The following RUNDC3B variants were observed in gnomAD, a reference collection of about 807,000 sequenced individuals.
RUNDC3B encodes RUN domain containing 3B, also known as RUN domain-containing protein 3B.
A neutral mutation model predicts 58.4 loss-of-function variants in RUNDC3B; 33 were observed. The ratio of observed to expected loss-of-function variants is 0.56; its 90% CI spans 0.43 to 0.75. The LOEUF is 0.75. RUNDC3B is among the 30% of genes least tolerant of loss of function. The pLI is 0.00. For missense variants in RUNDC3B, 501 were observed against 535.7 expected (o/e 0.94, Z 0.64); for synonymous variants, 193 against 195.2 (o/e 0.99, Z 0.10).
chr7:87,792,748 CA>C (rs1231665225), intron 8 of RUNDC3B, among the ~76,000 whole-genome samples: 2 of 151,570 alleles, frequency 1.3e-5, no homozygotes, highest in African/African-American at 4.8e-5. Flanking sequence ...GTTCCTATAT[CA>C]AAAAAGAAGA....
chr7:87,796,989 A>G (rs1445949787), intron 8 of RUNDC3B, among the ~76,000 whole-genome samples: 1 of 152,200 alleles, frequency 6.6e-6, no homozygotes, highest in Non-Finnish European at 1.5e-5. Flanking sequence ...TCTAAAAGCT[A>G]ATTTGGTTTG....
chr7:87,790,802 A>G (rs1464636699), intron 8 of RUNDC3B, among the ~76,000 whole-genome samples: 1 of 151,952 alleles, frequency 6.6e-6, no homozygotes. Context: ...AGAGGAGACA[A>G]AAAAAATAGA....
intron 4 of RUNDC3B, among the ~76,000 whole-genome samples, chr7:87,727,746 C>G (rs1332633235): frequency 1.3e-5 from 2 of 152,110 alleles, no homozygotes; most frequent in Non-Finnish European, 2.9e-5. Flanking sequence ...GGATGCATGT[C>G]TCTTTGGGAT....
intron 3 of RUNDC3B, among the ~76,000 whole-genome samples, chr7:87,703,325 G>A (rs867396718): frequency 2.6e-5 from 4 of 151,678 alleles, no homozygotes; most frequent in Non-Finnish European, 5.9e-5. Flanking sequence ...TATTTTGTAA[G>A]CACGAACTGA....
chr7:87,783,580 T>C lies in RUNDC3B; in HGVS notation c.956+5625T>C, dbSNP rs1327392731. Among the ~76,000 whole-genome samples, 2 of 152,186 alleles carry C rather than the reference T, an allele frequency of 1.3e-5. 1 individual carries two copies. The highest frequency in any genetic ancestry group is 1.3e-4 in the Admixed American group (2 of 15,280). On this transcript the variant is annotated intron_variant, in intron 8 of 10. Transcript: ENST00000394654. Reference sequence around the variant, plus strand: ...TGGTTGCTTTGTAGTCTTGATTTTTTAGTCTCGATAGGGTCTGCAGGCTAT... The same window carrying C: ...TGGTTGCTTTGTAGTCTTGATTTTTCAGTCTCGATAGGGTCTGCAGGCTAT...
At chr7:87,740,473 A>T (rs1222227234) in intron 5 of RUNDC3B, among the ~76,000 whole-genome samples, 2 of 152,130 alleles carry the variant, frequency 1.3e-5, no homozygotes, top group African/African-American at 4.8e-5. Flanking sequence ...TCTTTAATCG[A>T]TCCCAGATTT....
intron 6 of RUNDC3B, among the ~76,000 whole-genome samples, chr7:87,764,731 T>C (rs1465168715): frequency 6.6e-6 from 1 of 151,940 alleles, no homozygotes; most frequent in Admixed American, 6.6e-5. Context: ...ATTAATTTCA[T>C]TCTTCTTTAT....
chr7:87,756,232 C>A (rs1183717569), intron 6 of RUNDC3B, among the ~76,000 whole-genome samples: 3 of 151,990 alleles, frequency 2.0e-5, no homozygotes, highest in African/African-American at 7.2e-5. Flanking sequence ...CTACTGAGCT[C>A]TCACTTTCTA....
At chr7:87,785,407 A>G (rs749769391) in intron 8 of RUNDC3B, among the ~76,000 whole-genome samples, 2 of 152,106 alleles carry the variant, frequency 1.3e-5, no homozygotes, top group African/African-American at 2.4e-5. Flanking sequence ...AGCTGTAACC[A>G]CAGATCCCAG....
chr7:87,648,171 C>T (rs1164328404), intron 1 of RUNDC3B, among the ~76,000 whole-genome samples: 2 of 133,924 alleles, frequency 1.5e-5, no homozygotes, highest in Non-Finnish European at 3.1e-5. Context: ...GGTGACAGAG[C>T]GAGACTCTGT....
chr7:87,826,603 A>G (rs779137118), intron 10 of RUNDC3B, among the ~76,000 whole-genome samples: 3 of 152,158 alleles, frequency 2.0e-5, no homozygotes, highest in Non-Finnish European at 4.4e-5. Context: ...AAGTGGTTGA[A>G]TTAGAAAGGC....
chr7:87,778,721 AC>A (rs1239894675), intron 8 of RUNDC3B, among the ~76,000 whole-genome samples: 1 of 152,118 alleles, frequency 6.6e-6, no homozygotes, highest in Non-Finnish European at 1.5e-5. Flanking sequence ...TAAGAGCAAG[AC>A]TTTTTTTGAT....
intron 2 of RUNDC3B, among the ~76,000 whole-genome samples, chr7:87,690,084 C>A (rs1442393422): frequency 2.0e-5 from 3 of 151,992 alleles, no homozygotes; most frequent in African/African-American, 7.2e-5. Context: ...TCTGCTTCCA[C>A]CTCCTAAAGG....
At chr7:87,701,488 A>G (rs908268831) in intron 3 of RUNDC3B, among the ~76,000 whole-genome samples, 1 of 152,258 alleles carries the variant, frequency 6.6e-6, no homozygotes, top group African/African-American at 2.4e-5. Context: ...TCAACATTTG[A>G]TGGAACTGCA....
intron 2 of RUNDC3B, among the ~76,000 whole-genome samples, chr7:87,676,441 C>T (rs1826364160): frequency 6.6e-6 from 1 of 152,082 alleles, no homozygotes; most frequent in Non-Finnish European, 1.5e-5. Context: ...TGGCTCACAC[C>T]TATAATTCCA....
chr7:87,734,466 G>A (rs1243494744), intron 4 of RUNDC3B, among the ~76,000 whole-genome samples: 1 of 152,010 alleles, frequency 6.6e-6, no homozygotes, highest in Non-Finnish European at 1.5e-5. Context: ...CCAACTTTCT[G>A]TCTCCTCATC....
chr7:87,693,431 G>A (rs1262807509), intron 2 of RUNDC3B, among the ~76,000 whole-genome samples: 1 of 152,116 alleles, frequency 6.6e-6, no homozygotes, highest in African/African-American at 2.4e-5. Context: ...TTTTAGAAAA[G>A]TTAACATTTA....
chr7:87,816,141 GA>G lies in RUNDC3B; in HGVS notation c.1108del (p.Ser370ValfsTer19). 1 of 1,599,780 alleles carries G rather than the reference GA, an allele frequency of 6.3e-7. No individual in the cohort carries two copies. Among genetic ancestry groups the G allele is most frequent in the Non-Finnish European group, 8.5e-7 (1 of 1,170,552 alleles). On this transcript the variant is annotated frameshift_variant and splice_region_variant, in exon 10 of 11. Transcript: ENST00000394654. LOFTEE classifies it high-confidence loss of function. Reference sequence around the variant, plus strand: ...GTAGTATTTCATCCTTGCTTTACAGGAAAAGTTATCAAAGTCTTGACCAGTT... The same window carrying G: ...GTAGTATTTCATCCTTGCTTTACAGGAAAGTTATCAAAGTCTTGACCAGTT... ...YRKHNKQWYEKSYQSLDQLSA... is the reference protein window; with the variant it reads ...YRKHNKQWYEXSYQSLDQLSA...
intron 9 of RUNDC3B, among the ~76,000 whole-genome samples, chr7:87,808,989 A>G (rs1228986346): frequency 1.3e-5 from 2 of 152,164 alleles, no homozygotes; most frequent in Non-Finnish European, 2.9e-5. Flanking sequence ...CACATTAGAT[A>G]GAGGTAAAAT....
Sources: allele counts gnomAD v4.1 joint callset (sites outside exome capture counted in the v4.1 genomes callset), GRCh38; gene constraint gnomAD v4.1.1; transcripts MANE v1.5; gene names NCBI Gene and HGNC (gene_info 2026-07-23, HGNC 2026-07-21).